WAC: variants seen among roughly 807,000 people sequenced by gnomAD.
The protein encoded by WAC is WW domain containing adaptor with coiled-coil.
Under a neutral mutation model 79.6 loss-of-function variants are expected in WAC, and 11 were observed. The ratio of observed to expected loss-of-function variants is 0.14; its 90% CI spans 0.09 to 0.23. The LOEUF (loss-of-function observed/expected upper bound fraction) is 0.23. WAC is among the 10% of genes least tolerant of loss of function. The pLI is 1.00. For missense variants in WAC, 728 were observed against 773.5 expected, an observed-to-expected ratio of 0.94 and a Z score of 0.70; for synonymous variants, 304 against 276.9, an observed-to-expected ratio of 1.10 and a Z score of -0.97.
rs71281550 is a variant in WAC, at chr10:28,563,744, C to CTTTTTTTTTTTTTTTT, written c.275-19641_275-19626dup. On this transcript the variant is annotated intron_variant, in intron 3 of 13. Transcript: ENST00000354911. ...ACAAGTGCATGCTGCCTACACCCAG[C>CTTTTTTTTTTTTTTTT]TTTTTTTTTTTTTTTTTTTTTTTTT... 1.6e-3 allele frequency among the ~76,000 whole-genome samples: 106 copies of CTTTTTTTTTTTTTTTT among 67,900 alleles called. 10 individuals are homozygous for CTTTTTTTTTTTTTTTT. The highest frequency in any genetic ancestry group is 2.9e-3 in the East Asian group (3 of 1,040). The allele number at this position is 67,900 out of a possible 152,430, so 44.5% of individuals were successfully genotyped here.
chr10:28,600,378 T>A (rs1840581455), intron 7 of WAC, among the ~76,000 whole-genome samples: 1 of 152,134 alleles, frequency 6.6e-6, no homozygotes, highest in African/African-American at 2.4e-5. Flanking sequence ...CTTCAGTATG[T>A]GTTAAAGCTA....
chr10:28,558,796 G>A (rs1421405173), intron 3 of WAC, among the ~76,000 whole-genome samples: 1 of 152,188 alleles, frequency 6.6e-6, no homozygotes, highest in African/African-American at 2.4e-5. Context: ...AAGATAAGTT[G>A]CAAAGAGTAG....
At position 28,610,245 on chromosome 10, in the gene WAC, CATTTTTAG is replaced by C. The variant is rs1158259955; in HGVS notation, c.1166-449_1166-442del. 5.9e-5 allele frequency among the ~76,000 whole-genome samples: 9 copies of C among 151,970 alleles called. No homozygotes were observed. In the South Asian group the frequency reaches 1.7e-3, roughly 28 times the overall value. On this transcript the variant is annotated intron_variant, in intron 8 of 13. Transcript: ENST00000354911. ...CGGCCAATACTCCCTTTTTTGTATC[CATTTTTAG>C]ATTTATTAGGGTGGATCTTGATATA...
At chr10:28,593,739 A>T (rs1041927678) in intron 6 of WAC, among the ~76,000 whole-genome samples, 66 of 152,132 alleles carry the variant, frequency 4.3e-4, no homozygotes, top group East Asian at 1.5e-3. Context: ...TCAAAAAAAA[A>T]AAAATAAAAT....
chr10:28,610,911 C>T, intron 9 of WAC, 90 bp downstream of exon 9: 5 of 1,256,032 alleles, frequency 4.0e-6, no homozygotes, highest in Non-Finnish European at 4.1e-6. Flanking sequence ...TTTTTTCTTT[C>T]ATTTTTTTTT....
chr10:28,611,670 G>GT, intron 9 of WAC, 104 bp from the exon 10 acceptor site: 1 of 1,415,768 alleles, frequency 7.1e-7, no homozygotes. Flanking sequence ...GGGGTGGGGG[G>GT]GTTTAGAGTA....
rs1358265202 is a variant in WAC at position 28,589,723 on chromosome 10, A to G, written c.382-13A>G. 2.6e-6 allele frequency: 4 copies of G among 1,530,964 alleles called. No homozygotes were observed. Among genetic ancestry groups the G allele is most frequent in the African/African-American group, 1.4e-5 (1 of 72,116 alleles). The allele number at this position is 1,530,964 out of a possible 1,614,324, so 94.8% of individuals were successfully genotyped here. A position where few individuals can be genotyped will look rare whatever the true frequency, so the allele number is the denominator to read the frequency against. ...TATTAACATTTTCTAATTGTAAAAAATATATTTTTAAGCCTTATGATTCTG... is the reference window on the plus strand; with the variant it reads ...TATTAACATTTTCTAATTGTAAAAAGTATATTTTTAAGCCTTATGATTCTG... On this transcript the variant is annotated splice_polypyrimidine_tract_variant and intron_variant, in intron 4 of 13. Coordinates refer to ENST00000354911, the MANE Select transcript of WAC (RefSeq NM_016628.5).
intron 4 of WAC, among the ~76,000 whole-genome samples, chr10:28,585,193 A>G (rs900037785): frequency 7.9e-5 from 12 of 152,224 alleles, no homozygotes; most frequent in African/African-American, 2.9e-4. Context: ...ACTCAAGGCT[A>G]TTGAACAACC....
chr10:28,534,802 A>G, intron 2 of WAC, among the ~76,000 whole-genome samples: 1 of 152,220 alleles, frequency 6.6e-6, no homozygotes, highest in East Asian at 1.9e-4. Context: ...TATACAGCTG[A>G]ATTTGAAAAC....
At chr10:28,582,145 ATC>A (rs1477071787) in intron 3 of WAC, among the ~76,000 whole-genome samples, 1 of 152,180 alleles carries the variant, frequency 6.6e-6, no homozygotes, top group Non-Finnish European at 1.5e-5. Flanking sequence ...GCAGACCCTT[ATC>A]TGAGGGTAAA....
chr10:28,533,999 T>A lies in WAC; in HGVS notation c.43T>A (p.Cys15Ser), dbSNP rs145454128. The change falls in exon 2 of 14, where the codon TGT becomes AGT. Residue 15 changes from cysteine (C) to serine (S), a missense_variant and splice_region_variant. Around this residue, in one of 3 missense-constraint regions of WAC, gnomAD observed 648 missense variants for 661.5 expected, o/e 0.98. Transcript: ENST00000354911. Reference sequence around the variant, plus strand: ...CTGCCTTCTCTTCCTGTTTTTCAGCTGTCACGACCGGAGGGGGGACTCGCA... The same window carrying A: ...CTGCCTTCTCTTCCTGTTTTTCAGCAGTCACGACCGGAGGGGGGACTCGCA... ...ARKQQRLSDGCHDRRGDSQPY... is the reference protein window; with the variant it reads ...ARKQQRLSDGSHDRRGDSQPY... 8.1e-6 allele frequency: 13 copies of A among 1,604,008 alleles called. No homozygotes were observed. The highest frequency in any genetic ancestry group is 1.4e-5 in the African/African-American group (1 of 73,124).
chr10:28,559,442 G>T (rs1838189642), intron 3 of WAC, among the ~76,000 whole-genome samples: 1 of 152,070 alleles, frequency 6.6e-6, no homozygotes, highest in Admixed American at 6.6e-5. Context: ...TGCAAGATGA[G>T]TTCAGGGAAG....
chr10:28,545,834 G>T (rs1053367029), intron 3 of WAC, among the ~76,000 whole-genome samples: 18 of 152,180 alleles, frequency 1.2e-4, no homozygotes. Context: ...TGGAGCCACT[G>T]GTGTTACTTT....
intron 3 of WAC, among the ~76,000 whole-genome samples, chr10:28,536,290 T>C (rs1396959411): frequency 1.7e-4 from 26 of 150,896 alleles, no homozygotes; most frequent in Admixed American, 1.7e-3. Flanking sequence ...AATAAGGGAA[T>C]GCATTTATGA....
chr10:28,593,288 G>A lies in WAC; in HGVS notation c.611-2445G>A, dbSNP rs78917061. Among the ~76,000 whole-genome samples, 1,064 of 152,126 alleles carry A rather than the reference G, an allele frequency of 7.0e-3. 13 individuals carry two copies. Among genetic ancestry groups the A allele is most frequent in the African/African-American group, 0.025 (1,020 of 41,468 alleles). ...TTGGCAGAGTGTTACCTTGTGTTTC[G>A]GTGTATTGGTGTTTGTGTAGAGTAT... On this transcript the variant is annotated intron_variant, in intron 6 of 13. Transcript: ENST00000354911.
chr10:28,592,032 G>A (rs987941459), intron 6 of WAC, among the ~76,000 whole-genome samples: 1 of 152,060 alleles, frequency 6.6e-6, no homozygotes, highest in African/African-American at 2.4e-5. Context: ...TTTGATGGGA[G>A]AAAATATTTA....
intron 2 of WAC, among the ~76,000 whole-genome samples, chr10:28,534,934 T>C (rs1319184464): frequency 6.6e-6 from 1 of 152,202 alleles, no homozygotes; most frequent in African/African-American, 2.4e-5. Context: ...TCTTAAGATA[T>C]GTGTTAGAAT....
Position 28,614,669 on chromosome 10 carries a change from A to T in WAC, c.1540A>T (p.Ser514Cys). 1 of 1,614,036 alleles carries T rather than the reference A, an allele frequency of 6.2e-7. No homozygotes were observed. Among genetic ancestry groups the T allele is most frequent in the Non-Finnish European group, 8.5e-7 (1 of 1,179,904 alleles). The change falls in exon 11 of 14, where the codon AGT becomes TGT. Residue 514 changes from serine to cysteine, a missense_variant. Ser to Cys is a moderately radical substitution (Grantham distance 112). Around this residue, in one of 3 missense-constraint regions of WAC, gnomAD observed 648 missense variants for 661.5 expected, o/e 0.98. Coordinates refer to ENST00000354911, the MANE Select transcript of WAC (RefSeq NM_016628.5). Reference protein sequence around the residue: ...QQGHEPVSPRSLQRSSSQRSP... With the variant: ...QQGHEPVSPRCLQRSSSQRSP... The stretch of plus-strand genomic sequence containing the variant: ...AGGTCATGAACCTGTCTCTCCTCGA[A>T]GTCTTCAGCGCTCAAGGTAGGTTGA...
At chr10:28,560,562 G>C (rs1349638144) in intron 3 of WAC, among the ~76,000 whole-genome samples, 1 of 152,280 alleles carries the variant, frequency 6.6e-6, no homozygotes, top group East Asian at 1.9e-4. Context: ...AGTAGGTAGA[G>C]TCTAGAGTCG....
Sources: gnomAD v4.1 joint callset for allele counts (sites outside exome capture counted in the v4.1 genomes callset) on GRCh38, gnomAD v4.1.1 for gene constraint, gnomAD v4.1.1 regional missense constraint, MANE v1.5 for transcripts, NCBI Gene and HGNC (gene_info 2026-07-23, HGNC 2026-07-21) for gene names.